CDH11: variants seen among roughly 807,000 people sequenced by gnomAD.
CDH11 encodes cadherin-11.
A neutral mutation model predicts 67.8 loss-of-function variants in CDH11; 11 were observed. That is an observed-to-expected ratio of 0.16 (90% CI 0.10 to 0.27). The LOEUF (loss-of-function observed/expected upper bound fraction) is 0.27. CDH11 is among the 10% of genes least tolerant of loss of function. The probability of loss-of-function intolerance (pLI) is 1.00; values close to 1 mark genes in which losing one functional copy is unlikely to be tolerated. For synonymous variants in CDH11, 419 were observed against 400.0 expected (o/e 1.05, Z -0.57); for missense variants, 847 against 1,031.2 (o/e 0.82, Z 2.45).
At chr16:64,991,974 A>G (rs1160274393) in intron 5 of CDH11, 39 bp from the exon 6 acceptor site, 2 of 1,468,942 alleles carry the variant, frequency 1.4e-6, no homozygotes, top group South Asian at 1.3e-5. Context: ...ATATTCGTTT[A>G]TAACATTATG....
At chr16:64,955,016 G>A (rs1484020022) in intron 11 of CDH11, among the ~76,000 whole-genome samples, 1 of 151,956 alleles carries the variant, frequency 6.6e-6, no homozygotes, top group Non-Finnish European at 1.5e-5. Flanking sequence ...GGAGGCCGAG[G>A]CAGGCGGATC....
At chr16:65,108,950 C>A (rs1597206099) in intron 1 of CDH11, among the ~76,000 whole-genome samples, 1 of 152,060 alleles carries the variant, frequency 6.6e-6, no homozygotes, top group East Asian at 1.9e-4. Context: ...AGTTCGAGAC[C>A]AGCCTGGCCA....
At position 64,946,368 on chromosome 16, in the gene CDH11, T is replaced by C. The variant is rs1471477650; in HGVS notation, c.*1235A>G. 29 of 960,418 alleles carry C rather than the reference T, an allele frequency of 3.0e-5. No homozygotes were observed. The highest frequency in any genetic ancestry group is 3.7e-5 in the Non-Finnish European group (29 of 792,898). 59.5% of individuals were successfully genotyped at this position (960,418 alleles called of 1,614,324 possible). On this transcript the variant is annotated 3_prime_UTR_variant, in exon 13 of 13. Coordinates refer to ENST00000268603, the MANE Select transcript of CDH11 (RefSeq NM_001797.4). ...GTTCCCCAGTGCTCAGTGTGGGGCA[T>C]AGAATGTATACCTGGAACATTAGAG...
chr16:65,084,523 T>A (rs187816489), intron 1 of CDH11, among the ~76,000 whole-genome samples: 6 of 152,188 alleles, frequency 3.9e-5, no homozygotes, highest in Admixed American at 6.5e-5. Flanking sequence ...AATGGCAAAA[T>A]TAAGCTATAG....
At chr16:65,039,045 T>C (rs1167602510) in intron 2 of CDH11, among the ~76,000 whole-genome samples, 2 of 152,178 alleles carry the variant, frequency 1.3e-5, no homozygotes, top group East Asian at 3.9e-4. Flanking sequence ...CATCTGGATG[T>C]GAAAGAGATG....
At chr16:65,066,238 C>A (rs1181208581) in intron 1 of CDH11, among the ~76,000 whole-genome samples, 1 of 152,216 alleles carries the variant, frequency 6.6e-6, no homozygotes, top group Non-Finnish European at 1.5e-5. Flanking sequence ...TTATCCTTGT[C>A]TTTTAAGGTC....
At chr16:65,012,070 C>T (rs1461897569) in intron 2 of CDH11, among the ~76,000 whole-genome samples, 4 of 152,178 alleles carry the variant, frequency 2.6e-5, no homozygotes, top group Non-Finnish European at 4.4e-5. Context: ...TCAAACAATA[C>T]TGAGACTGTT....
Position 64,950,812 on chromosome 16 carries a change from T to G in CDH11, c.1849A>C (p.Thr617Pro), listed in dbSNP as rs767603767. 1 of 1,614,166 alleles carries G rather than the reference T, an allele frequency of 6.2e-7. No individual in the cohort carries two copies. Among genetic ancestry groups the G allele is most frequent in the Non-Finnish European group, 8.5e-7 (1 of 1,180,022 alleles). ...EAYILNAGLS[T>P]GALIAILACI... is the part of the protein sequence containing the mutation. ...GCGAGGATGGCGATCAGGGCGCCTG[T>G]GCTCAGGCCGGCGTTCAGAATGTAG... The change falls in exon 12 of 13, where the codon ACA (threonine) becomes CCA (proline). Residue 617 changes from threonine (T) to proline (P), a missense_variant. This residue lies in a region of CDH11 where 612 missense variants were observed against 678.7 expected (regional missense o/e 0.90). Coordinates refer to ENST00000268603, the MANE Select transcript of CDH11 (RefSeq NM_001797.4).
At chr16:65,039,068 A>T (rs2073811845) in intron 2 of CDH11, among the ~76,000 whole-genome samples, 1 of 152,180 alleles carries the variant, frequency 6.6e-6, no homozygotes, top group South Asian at 2.1e-4. Flanking sequence ...GTCCAGCCCC[A>T]TTATTTCCCA....
intron 1 of CDH11, chr16:65,094,497 T>C (rs2074851598): frequency 6.6e-6 from 1 of 152,060 alleles, no homozygotes; most frequent in Non-Finnish European, 1.5e-5. Context: ...CAGGTGTATA[T>C]ATAGACACAT....
chr16:65,047,352 G>C (rs2073979461), intron 2 of CDH11, among the ~76,000 whole-genome samples: 1 of 149,108 alleles, frequency 6.7e-6, no homozygotes, highest in African/African-American at 2.5e-5. Context: ...TTTTTTGTTT[G>C]TTTTTGGTTT....
intron 2 of CDH11, among the ~76,000 whole-genome samples, chr16:65,014,504 C>T (rs1017145297): frequency 3.3e-5 from 5 of 152,148 alleles, no homozygotes; most frequent in Non-Finnish European, 7.3e-5. Flanking sequence ...GGACTAGCCA[C>T]ATTGCAAGAG....
chr16:64,949,295 C>G (rs1484171313), intron 12 of CDH11, among the ~76,000 whole-genome samples: 1 of 152,100 alleles, frequency 6.6e-6, no homozygotes, highest in Non-Finnish European at 1.5e-5. Context: ...TTTACTTCCT[C>G]TGTTTGAAAT....
intron 2 of CDH11, among the ~76,000 whole-genome samples, chr16:65,049,468 C>G (rs1014573633): frequency 1.6e-4 from 24 of 152,194 alleles, no homozygotes; most frequent in Non-Finnish European, 3.4e-4. Context: ...ATCATGACCC[C>G]TGCGCATAGC....
chr16:64,990,936 C>T (rs1188763967), intron 6 of CDH11, among the ~76,000 whole-genome samples: 3 of 152,208 alleles, frequency 2.0e-5, no homozygotes, highest in East Asian at 3.9e-4. Flanking sequence ...CAAAACATGG[C>T]CAAAACAATA....
intron 4 of CDH11, among the ~76,000 whole-genome samples, chr16:64,995,970 T>C (rs936638709): frequency 5.9e-5 from 9 of 152,188 alleles, no homozygotes; most frequent in African/African-American, 2.2e-4. Flanking sequence ...GATATGCAAA[T>C]GGCTTACAAA....
At chr16:65,047,651 C>T (rs1187813799) in intron 2 of CDH11, among the ~76,000 whole-genome samples, 1 of 152,076 alleles carries the variant, frequency 6.6e-6, no homozygotes, top group Non-Finnish European at 1.5e-5. Flanking sequence ...TGCCAGGTCT[C>T]ACCTTTTAAA....
Position 64,982,143 on chromosome 16 carries a change from T to G in CDH11, c.1158A>C (p.Pro386=). Residue 386 remains proline (P), a synonymous_variant, in exon 8 of 13, where the codon CCA becomes CCC. Transcript: ENST00000268603. ...DADEPPMFLA[P]SYIHEVQENA... The stretch of plus-strand genomic sequence containing the variant: ...TTTCTTGGACTTCGTGGATGTAACT[T>G]GGGGCCAAGAACATAGGGGGCTCAT... The G allele has an allele frequency of 6.2e-7, 1 of 1,614,020 alleles. No homozygotes were observed. Among genetic ancestry groups the G allele is most frequent in the East Asian group, 2.2e-5 (1 of 44,854 alleles).
chr16:64,950,625 C>T lies in CDH11; in HGVS notation c.1894+142G>A. On this transcript the variant is annotated intron_variant, in intron 12 of 12. Transcript: ENST00000268603. ...CGCCCCCACAACGCCCACCCCGCCCCCGTACCCCACTTCTTTTCTTGAACT... is the reference window on the plus strand; with the variant it reads ...CGCCCCCACAACGCCCACCCCGCCCTCGTACCCCACTTCTTTTCTTGAACT... 3 of 981,108 alleles carry T rather than the reference C, an allele frequency of 3.1e-6. No individual in the cohort carries two copies. In the South Asian group the frequency reaches 5.2e-5, roughly 17 times the overall value. 60.8% of individuals were successfully genotyped at this position (981,108 alleles called of 1,614,324 possible).
Sources: gnomAD v4.1 joint callset for allele counts (sites outside exome capture counted in the v4.1 genomes callset) on GRCh38, gnomAD v4.1.1 for gene constraint, gnomAD v4.1.1 regional missense constraint, MANE v1.5 for transcripts, NCBI Gene and HGNC (gene_info 2026-07-23, HGNC 2026-07-21) for gene names.